Variants in INVS observed in about 807,000 individuals in gnomAD.
INVS encodes inversion of embryo turning homolog.
In INVS, 86 loss-of-function variants were observed where a neutral mutation model predicts 108.8. That is an observed-to-expected ratio of 0.79 (90% CI 0.66 to 0.95). INVS has a LOEUF of 0.95. INVS is among the 40% of genes least tolerant of loss of function. INVS has a pLI of 0.00. For synonymous variants in INVS, 455 were observed against 473.5 expected, an observed-to-expected ratio of 0.96 and a Z score of 0.51; for missense variants, 1,169 against 1,297.4, an observed-to-expected ratio of 0.90 and a Z score of 1.52.
intron 14 of INVS, among the ~76,000 whole-genome samples, chr9:100,296,462 C>T (rs747873097): frequency 6.6e-6 from 1 of 152,226 alleles, no homozygotes; most frequent in Admixed American, 6.5e-5. Flanking sequence ...GGCACAAATG[C>T]CTCTATCTAT....
intron 2 of INVS, among the ~76,000 whole-genome samples, chr9:100,123,165 A>G (rs1302138272): frequency 6.6e-6 from 1 of 152,210 alleles, no homozygotes; most frequent in African/African-American, 2.4e-5. Flanking sequence ...GATTTTGTGT[A>G]TTCAGTGTTG....
intron 14 of INVS, among the ~76,000 whole-genome samples, chr9:100,294,265 G>T (rs1481157142): frequency 6.6e-6 from 1 of 152,174 alleles, no homozygotes; most frequent in Non-Finnish European, 1.5e-5. Context: ...CGGCACAGGT[G>T]TATGAGATAT....
chr9:100,282,540 C>T (rs1286833921), intron 12 of INVS, among the ~76,000 whole-genome samples: 1 of 152,136 alleles, frequency 6.6e-6, no homozygotes, highest in African/African-American at 2.4e-5. Context: ...AAATGTAACC[C>T]AGATGTATGT....
chr9:100,294,891 C>T (rs191063170), intron 14 of INVS, among the ~76,000 whole-genome samples: 4 of 152,272 alleles, frequency 2.6e-5, no homozygotes, highest in South Asian at 2.1e-4. Flanking sequence ...TCACTGATAA[C>T]CCTGCAAGGT....
At position 100,104,547 on chromosome 9, in the gene INVS, T is replaced by C; in HGVS notation, c.26T>C (p.Phe9Ser). The change falls in exon 2 of 17, where the codon TTT (phenylalanine) becomes TCT (serine). Residue 9 changes from phenylalanine to serine, a missense_variant. Phe to Ser is a radical substitution (Grantham distance 155, BLOSUM62 -2). Coordinates refer to ENST00000262457, the MANE Select transcript of INVS (RefSeq NM_014425.5). MNKSENLL[F>S]AGSSLASQVH... is the part of the protein sequence containing the mutation. ...ATGAACAAGTCAGAGAACCTGCTGT[T>C]TGCTGGTTCATCATTAGCATCACAA... is the stretch of plus-strand genomic sequence containing the variant. The C allele has an allele frequency of 6.2e-7, 1 of 1,613,902 alleles. No individual in the cohort carries two copies. The highest frequency in any genetic ancestry group is 8.5e-7 in the Non-Finnish European group (1 of 1,179,774).
chr9:100,226,291 TATGATGTGAAATTTCAAGGAAG>T, intron 4 of INVS, 56 bp downstream of exon 4: 1 of 1,496,538 alleles, frequency 6.7e-7, no homozygotes, highest in Non-Finnish European at 9.3e-7. Flanking sequence ...TGCTTCCTTT[TATGATGTGAAATTTCAAGGAAG>T]AAGGCCTGAA....
intron 3 of INVS, among the ~76,000 whole-genome samples, chr9:100,225,031 T>C (rs1831268226): frequency 6.6e-6 from 1 of 151,898 alleles, no homozygotes; most frequent in South Asian, 2.1e-4. Context: ...TAGGTGACCG[T>C]TTGAGTCTGG....
intron 3 of INVS, among the ~76,000 whole-genome samples, chr9:100,148,803 A>C (rs1828712464): frequency 6.6e-6 from 1 of 152,190 alleles, no homozygotes; most frequent in African/African-American, 2.4e-5. Context: ...TAAAACCAAC[A>C]CATGTACATT....
intron 3 of INVS, among the ~76,000 whole-genome samples, chr9:100,182,297 G>A (rs1295493864): frequency 6.6e-6 from 1 of 152,136 alleles, no homozygotes; most frequent in Non-Finnish European, 1.5e-5. Context: ...CTTTGGCACA[G>A]CAAAAGACAC....
At chr9:100,264,678 T>A (rs1233356596) in intron 10 of INVS, 144 bp from the exon 11 acceptor site, 1 of 658,370 alleles carries the variant, frequency 1.5e-6, no homozygotes, top group Non-Finnish European at 2.7e-6. Context: ...ATTTGCTTTC[T>A]CCACTGTATA....
intron 3 of INVS, among the ~76,000 whole-genome samples, chr9:100,195,323 T>G (rs1411754263): frequency 6.6e-6 from 1 of 152,180 alleles, no homozygotes; most frequent in African/African-American, 2.4e-5. Flanking sequence ...TGTTGTTCTT[T>G]ATTTATTTTG....
At chr9:100,132,959 G>A (rs1828096267) in intron 3 of INVS, among the ~76,000 whole-genome samples, 1 of 152,096 alleles carries the variant, frequency 6.6e-6, no homozygotes, top group Non-Finnish European at 1.5e-5. Flanking sequence ...ACAAAACTTA[G>A]CTGGGCGTGA....
intron 3 of INVS, among the ~76,000 whole-genome samples, chr9:100,220,175 C>T (rs1214704948): frequency 1.3e-5 from 2 of 151,980 alleles, no homozygotes; most frequent in South Asian, 2.1e-4. Flanking sequence ...TGGACAGACA[C>T]AAATATAAAG....
At chr9:100,224,548 CA>C in intron 3 of INVS, among the ~76,000 whole-genome samples, 1 of 152,092 alleles carries the variant, frequency 6.6e-6, no homozygotes, top group South Asian at 2.1e-4. Context: ...TGCCATGTTA[CA>C]CAGACTTACT....
At chr9:100,158,036 C>G (rs1829058516) in intron 3 of INVS, among the ~76,000 whole-genome samples, 1 of 152,172 alleles carries the variant, frequency 6.6e-6, no homozygotes, top group African/African-American at 2.4e-5. Flanking sequence ...ATTTGTCACT[C>G]AATAAGGGCA....
chr9:100,271,470 G>A (rs1832951945), intron 11 of INVS, among the ~76,000 whole-genome samples: 1 of 152,182 alleles, frequency 6.6e-6, no homozygotes, highest in African/African-American at 2.4e-5. Flanking sequence ...TGTACATAAA[G>A]CATTTCACAT....
In INVS at chr9:100,129,679, T is replaced by C. The variant is rs757367913; in HGVS notation, c.273+3130T>C. 1.1e-5 allele frequency: 8 copies of C among 712,660 alleles called. 1 individual carries two copies. The South Asian group carries it at 1.2e-4, about 11-fold the overall frequency. The allele number at this position is 712,660 out of a possible 1,614,324, so 44.1% of individuals were successfully genotyped here. A position where few individuals can be genotyped will look rare whatever the true frequency, so the allele number is the denominator to read the frequency against. On this transcript the variant is annotated intron_variant, in intron 3 of 16. Coordinates refer to ENST00000262457, the MANE Select transcript of INVS (RefSeq NM_014425.5). ...ATACTATATACATTGTTTGAAGGCA[T>C]TGAGAACAATCAGCACAGGCAGGAT...
At chr9:100,251,036 G>A (rs1258408050) in intron 8 of INVS, among the ~76,000 whole-genome samples, 1 of 152,090 alleles carries the variant, frequency 6.6e-6, no homozygotes, top group Admixed American at 6.5e-5. Flanking sequence ...CAACTTAAAT[G>A]TCAGCTCATA....
chr9:100,203,501 CTTTTTTTTT>C (rs34618293), intron 3 of INVS, among the ~76,000 whole-genome samples: 3 of 123,128 alleles, frequency 2.4e-5, no homozygotes, highest in African/African-American at 9.6e-5. Context: ...CCAAAGCTTC[CTTTTTTTTT>C]TTTTTTTTTT....
Sources: allele counts gnomAD v4.1 joint callset (sites outside exome capture counted in the v4.1 genomes callset), GRCh38; gene constraint gnomAD v4.1.1; transcripts MANE v1.5; gene names NCBI Gene and HGNC (gene_info 2026-07-23, HGNC 2026-07-21).